Variants in EYS observed in about 807,000 individuals in gnomAD.
The protein encoded by EYS is protein eyes shut homolog.
A neutral mutation model predicts 282.1 loss-of-function variants in EYS; 250 were observed. The ratio of observed to expected loss-of-function variants is 0.89; its 90% confidence interval spans 0.80 to 0.98. EYS has a LOEUF of 0.98. Among genes scored for constraint, EYS ranks in the 50% least tolerant of loss-of-function variants. The probability of loss-of-function intolerance (pLI) is 0.00; values close to 1 mark genes in which losing one functional copy is unlikely to be tolerated. For missense variants in EYS, 4,016 were observed against 3,709.0 expected, an observed-to-expected ratio of 1.08 and a Z score of -2.15; for synonymous variants, 1,355 against 1,282.9, an observed-to-expected ratio of 1.06 and a Z score of -1.20.
intron 31 of EYS, among the ~76,000 whole-genome samples, chr6:64,125,659 A>G (rs6931243): frequency 0.019 from 2,888 of 151,600 alleles, 79 homozygotes; most frequent in African/African-American, 0.066. Context: ...GGTGGTGGGC[A>G]CCTGTAGTCC....
At chr6:64,267,455 C>T (rs984120366) in intron 30 of EYS, among the ~76,000 whole-genome samples, 3 of 152,134 alleles carry the variant, frequency 2.0e-5, no homozygotes, top group South Asian at 2.1e-4. Flanking sequence ...TTCCATTATC[C>T]GTGATAGCTC....
At chr6:64,321,322 G>C (rs989548878) in intron 29 of EYS, among the ~76,000 whole-genome samples, 1 of 151,478 alleles carries the variant, frequency 6.6e-6, no homozygotes, top group African/African-American at 2.4e-5. Context: ...TGTTACTCAG[G>C]CTTAGTTTAT....
chr6:64,317,542 A>G (rs765504072), intron 29 of EYS, among the ~76,000 whole-genome samples: 4 of 152,128 alleles, frequency 2.6e-5, no homozygotes, highest in Admixed American at 6.5e-5. Flanking sequence ...GATGCTGGAG[A>G]GGATGTGAAA....
intron 30 of EYS, among the ~76,000 whole-genome samples, chr6:64,234,256 CACT>C (rs1766515939): frequency 1.5e-5 from 2 of 135,810 alleles, no homozygotes. Context: ...AAAGAAAACT[CACT>C]TTTTTTTTTA....
chr6:63,734,682 A>G (rs1483428736), intron 41 of EYS, among the ~76,000 whole-genome samples: 1 of 152,086 alleles, frequency 6.6e-6, no homozygotes, highest in Non-Finnish European at 1.5e-5. Context: ...GTCCTGAGAA[A>G]CTAGAAGGAT....
intron 40 of EYS, among the ~76,000 whole-genome samples, chr6:63,769,007 AG>A (rs1175973171): frequency 6.6e-6 from 1 of 152,070 alleles, no homozygotes; most frequent in Non-Finnish European, 1.5e-5. Flanking sequence ...ATTTATAAGT[AG>A]GAGCTGAACA....
At chr6:64,257,338 C>A (rs1001225815) in intron 30 of EYS, among the ~76,000 whole-genome samples, 1 of 151,988 alleles carries the variant, frequency 6.6e-6, no homozygotes, top group Non-Finnish European at 1.5e-5. Flanking sequence ...GAATTTCTCC[C>A]TTTTTCTATT....
At chr6:65,362,699 C>T (rs1764759759) in intron 8 of EYS, among the ~76,000 whole-genome samples, 1 of 151,536 alleles carries the variant, frequency 6.6e-6, no homozygotes, top group Admixed American at 6.6e-5. Flanking sequence ...CAGTTTCTTC[C>T]CCTTCTTAAA....
chr6:63,741,720 C>T (rs929233547), intron 41 of EYS, among the ~76,000 whole-genome samples: 2 of 152,112 alleles, frequency 1.3e-5, no homozygotes, highest in Non-Finnish European at 2.9e-5. Context: ...TTGTCATTTT[C>T]AGGTTTCAGT....
chr6:65,036,860 G>T (rs916857624), intron 13 of EYS, among the ~76,000 whole-genome samples: 2 of 152,104 alleles, frequency 1.3e-5, no homozygotes, highest in African/African-American at 4.8e-5. Context: ...CACTGCTGGT[G>T]GGAATATAAG....
rs142228125 is a variant in EYS at position 64,840,394 on chromosome 6, T to C, written c.2993-17572A>G. 6.8e-4 allele frequency among the ~76,000 whole-genome samples: 104 copies of C among 152,256 alleles called. 1 individual carries two copies. The East Asian group carries it at 0.018, about 27-fold the overall frequency. Reference sequence around the variant, plus strand: ...TGCTCTGCAGTTCTAATAGAGGATGTTATGAAAATCAATAATAAAAGATAG... The same window carrying C: ...TGCTCTGCAGTTCTAATAGAGGATGCTATGAAAATCAATAATAAAAGATAG... On this transcript the variant is annotated intron_variant, in intron 19 of 42. Coordinates refer to ENST00000503581, the MANE Select transcript of EYS (RefSeq NM_001142800.2).
chr6:65,356,576 C>A (rs1011527495), intron 8 of EYS, among the ~76,000 whole-genome samples: 8 of 151,846 alleles, frequency 5.3e-5, no homozygotes, highest in Admixed American at 5.3e-4. Context: ...ACAAAGTCAC[C>A]CAGGATATAT....
At chr6:65,589,811 A>G (rs1356400243) in intron 2 of EYS, among the ~76,000 whole-genome samples, 1 of 152,026 alleles carries the variant, frequency 6.6e-6, no homozygotes, top group African/African-American at 2.4e-5. Flanking sequence ...CTAATGTATT[A>G]GAAATAAATG....
chr6:64,230,318 A>G (rs972936636), intron 31 of EYS, among the ~76,000 whole-genome samples: 1 of 152,228 alleles, frequency 6.6e-6, no homozygotes, highest in African/African-American at 2.4e-5. Context: ...AAGTAACTAC[A>G]TAAAAAACAC....
At chr6:64,838,613 T>TACACA (rs1166377670) in intron 19 of EYS, among the ~76,000 whole-genome samples, 3 of 81,264 alleles carry the variant, frequency 3.7e-5, no homozygotes, top group African/African-American at 1.3e-4. Context: ...TCTTTCTGTT[T>TACACA]CTCTACACAC....
At chr6:64,594,111 A>G (rs1412461988) in intron 24 of EYS, among the ~76,000 whole-genome samples, 1 of 152,132 alleles carries the variant, frequency 6.6e-6, no homozygotes, top group African/African-American at 2.4e-5. Context: ...TTTGCAGAAC[A>G]CTTAAGTCTT....
At chr6:65,286,263 T>A (rs1768358897) in intron 12 of EYS, among the ~76,000 whole-genome samples, 1 of 151,872 alleles carries the variant, frequency 6.6e-6, no homozygotes, top group South Asian at 2.1e-4. Context: ...TGGCCTTTTA[T>A]ACATTATCTC....
intron 29 of EYS, among the ~76,000 whole-genome samples, chr6:64,329,318 G>T (rs374638441): frequency 8.5e-5 from 13 of 152,224 alleles, no homozygotes; most frequent in East Asian, 7.7e-4. Context: ...ATTGTCTGGT[G>T]CCCTTGTTAG....
chr6:64,385,715 T>A (rs145938568), intron 29 of EYS, among the ~76,000 whole-genome samples: 270 of 152,334 alleles, frequency 1.8e-3, no homozygotes, highest in African/African-American at 6.3e-3. Flanking sequence ...ATTAACAAGC[T>A]TCTAGAAAAA....
Sources: allele counts gnomAD v4.1 joint callset (sites outside exome capture counted in the v4.1 genomes callset), GRCh38; gene constraint gnomAD v4.1.1; transcripts MANE v1.5; gene names NCBI Gene and HGNC (gene_info 2026-07-23, HGNC 2026-07-21).